SCGB2B2: variants seen among roughly 807,000 people sequenced by gnomAD.
SCGB2B2 encodes the protein secretoglobin family 2B member 2, also known as secretoglobin-like protein.
A neutral mutation model predicts 7.6 loss-of-function variants in SCGB2B2; 11 were observed. That is an observed-to-expected ratio of 1.45 (90% CI 0.91 to 2.40). The LOEUF (loss-of-function observed/expected upper bound fraction) is 2.40. Among genes scored for constraint, SCGB2B2 ranks in the 30% most tolerant of loss-of-function variants. SCGB2B2 has a pLI of 0.00. For missense variants in SCGB2B2, 104 were observed against 115.4 expected (o/e 0.90, Z 0.45); for synonymous variants, 50 against 48.6 (o/e 1.03, Z -0.12).
intron 1 of SCGB2B2, among the ~76,000 whole-genome samples, chr19:34,639,255 CCT>C (rs2066774077): frequency 6.6e-6 from 1 of 152,122 alleles, no homozygotes; most frequent in African/African-American, 2.4e-5. Flanking sequence ...CCAATGCCTC[CCT>C]GTGTTCCCAA....
chr19:34,640,389 G>A (rs1408905760), intron 1 of SCGB2B2: 1 of 151,552 alleles, frequency 6.6e-6, no homozygotes, highest in South Asian at 2.1e-4. Context: ...GGGATTACAG[G>A]TGTGAGCCCC....
At chr19:34,621,550 C>G (rs1407337799) in intron 1 of SCGB2B2, among the ~76,000 whole-genome samples, 18 of 121,196 alleles carry the variant, frequency 1.5e-4, no homozygotes, top group Admixed American at 1.4e-3. Context: ...ATTTAGTCAA[C>G]TGAGAAAAAA....
chr19:34,623,997 G>C (rs1229246842), intron 1 of SCGB2B2, among the ~76,000 whole-genome samples: 1 of 152,152 alleles, frequency 6.6e-6, no homozygotes, highest in Non-Finnish European at 1.5e-5. Flanking sequence ...ACTTATAGAG[G>C]GATGCAGGAG....
At chr19:34,603,648 T>C (rs929310055) in intron 1 of SCGB2B2, among the ~76,000 whole-genome samples, 4 of 152,160 alleles carry the variant, frequency 2.6e-5, no homozygotes, top group African/African-American at 9.7e-5. Context: ...CTAGGCCTGC[T>C]GTTCACAGTT....
chr19:34,586,547 A>C (rs192670701), downstream of SCGB2B2, among the ~76,000 whole-genome samples: 64 of 152,252 alleles, frequency 4.2e-4, no homozygotes, highest in African/African-American at 1.4e-3. Flanking sequence ...TTCTTCAGAG[A>C]GTGTTGTCCT....
intron 1 of SCGB2B2, among the ~76,000 whole-genome samples, chr19:34,610,796 T>C (rs1018462192): frequency 1.3e-5 from 2 of 150,294 alleles, no homozygotes; most frequent in African/African-American, 4.9e-5. Context: ...TATGCGTGTG[T>C]CCTTGTCTGG....
intron 1 of SCGB2B2, among the ~76,000 whole-genome samples, chr19:34,628,182 T>C (rs903398329): frequency 1.3e-5 from 2 of 151,798 alleles, no homozygotes; most frequent in Non-Finnish European, 2.9e-5. Flanking sequence ...AAGATCAAAA[T>C]TGACACCCTA....
chr19:34,620,816 T>G (rs2066222232), intron 1 of SCGB2B2, among the ~76,000 whole-genome samples: 1 of 152,184 alleles, frequency 6.6e-6, no homozygotes, highest in Admixed American at 6.5e-5. Flanking sequence ...TCACACCATT[T>G]GGCAATAATG....
intron 1 of SCGB2B2, among the ~76,000 whole-genome samples, chr19:34,655,459 C>T: frequency 1.3e-5 from 2 of 151,084 alleles, no homozygotes; most frequent in East Asian, 3.8e-4. Context: ...TTTAAAACTA[C>T]CTAAGACCTG....
At chr19:34,635,131 A>G (rs914215329) in intron 1 of SCGB2B2, 7 of 282,690 alleles carry the variant, frequency 2.5e-5, no homozygotes, top group Non-Finnish European at 4.4e-5. Context: ...CTGGTGTTCA[A>G]TAAGGCCATA....
rs1555750462 is a variant in SCGB2B2 at position 34,669,714 on chromosome 19, T to TACACACACACACAC, written c.-2032+5902_-2032+5915dup. ...TCTGCAGACCTGCCCTGCCCCCACT[T>TACACACACACACAC]ACACACACACACACACGAAGAGGTG... On this transcript the variant is annotated intron_variant, in intron 1 of 3. Transcript: ENST00000601241. 1.7e-3 allele frequency among the ~76,000 whole-genome samples: 244 copies of TACACACACACACAC among 139,576 alleles called. 3 individuals carry two copies. Among genetic ancestry groups the TACACACACACACAC allele is most frequent in the South Asian group, 4.4e-3 (18 of 4,062 alleles). 91.6% of individuals were successfully genotyped at this position (139,576 alleles called of 152,430 possible).
In SCGB2B2 at chr19:34,615,644, T is replaced by C. The variant is rs555981888; in HGVS notation, c.-2031-19050A>G. On this transcript the variant is annotated intron_variant, in intron 1 of 3. Coordinates refer to ENST00000601241, the MANE Select transcript of SCGB2B2 (RefSeq NM_001025591.4). Reference sequence around the variant, plus strand: ...TTACTCCTGTAATTTTATTTTCTTGTAGTGTCTTTTGTGTGGATTTGGTAT... The same window carrying C: ...TTACTCCTGTAATTTTATTTTCTTGCAGTGTCTTTTGTGTGGATTTGGTAT... Among the ~76,000 whole-genome samples the C allele has an allele frequency of 5.7e-4, 86 of 152,136 alleles. 3 individuals carry two copies. Among genetic ancestry groups the C allele is most frequent in the Non-Finnish European group, 1.3e-4 (9 of 68,016 alleles).
intron 1 of SCGB2B2, among the ~76,000 whole-genome samples, chr19:34,622,089 T>C (rs773524028): frequency 6.6e-6 from 1 of 152,188 alleles, no homozygotes; most frequent in Non-Finnish European, 1.5e-5. Flanking sequence ...ATGGTTAACT[T>C]GGTGGCCACT....
intron 1 of SCGB2B2, among the ~76,000 whole-genome samples, chr19:34,627,913 C>G (rs188903542): frequency 1.9e-4 from 29 of 152,280 alleles, no homozygotes; most frequent in African/African-American, 6.3e-4. Context: ...GAAATTATAA[C>G]AAACTGTCTC....
At chr19:34,672,836 A>G (rs1211003335) in intron 1 of SCGB2B2, among the ~76,000 whole-genome samples, 1 of 152,188 alleles carries the variant, frequency 6.6e-6, no homozygotes, top group Non-Finnish European at 1.5e-5. Context: ...AAAAGGAGCA[A>G]ACAAGCTTGG....
At chr19:34,636,726 T>C (rs924633517) in intron 1 of SCGB2B2, among the ~76,000 whole-genome samples, 6 of 152,144 alleles carry the variant, frequency 3.9e-5, no homozygotes, top group African/African-American at 7.2e-5. Context: ...AAAAGAGTTA[T>C]GGCCCCTGCC....
At chr19:34,667,608 C>T (rs1210742106) in intron 1 of SCGB2B2, among the ~76,000 whole-genome samples, 1 of 152,198 alleles carries the variant, frequency 6.6e-6, no homozygotes, top group African/African-American at 2.4e-5. Context: ...GCTCTTGAGC[C>T]CTTATGCTTG....
downstream of SCGB2B2, among the ~76,000 whole-genome samples, chr19:34,588,965 G>A (rs1376880305): frequency 6.6e-6 from 1 of 152,146 alleles, no homozygotes; most frequent in Non-Finnish European, 1.5e-5. Flanking sequence ...TGTACAGAGG[G>A]AGGGTGGAGG....
intron 1 of SCGB2B2, among the ~76,000 whole-genome samples, chr19:34,617,334 A>G (rs1304159912): frequency 3.3e-5 from 5 of 151,414 alleles, no homozygotes; most frequent in Admixed American, 6.6e-5. Context: ...ATGTTCTTCC[A>G]TTTGTTTGTA....
Sources: allele counts gnomAD v4.1 joint callset (sites outside exome capture counted in the v4.1 genomes callset), GRCh38; gene constraint gnomAD v4.1.1; transcripts MANE v1.5; gene names NCBI Gene and HGNC (gene_info 2026-07-23, HGNC 2026-07-21).